The following PTPRG variants were observed in gnomAD, a reference collection of about 807,000 sequenced individuals.
PTPRG encodes receptor-type tyrosine-protein phosphatase gamma.
In PTPRG, 102 loss-of-function variants were observed where a neutral mutation model predicts 165.3. The ratio of observed to expected loss-of-function variants is 0.62; its 90% CI spans 0.53 to 0.73. The LOEUF (loss-of-function observed/expected upper bound fraction) is 0.73. PTPRG is among the 30% of genes least tolerant of loss of function. The probability of loss-of-function intolerance (pLI) is 0.00; values close to 1 mark genes in which losing one functional copy is unlikely to be tolerated. For synonymous variants in PTPRG, 675 were observed against 669.5 expected, an observed-to-expected ratio of 1.01 and a Z score of -0.13; for missense variants, 1,866 against 1,861.4, an observed-to-expected ratio of 1.00 and a Z score of -0.05.
rs528202020 is a variant in PTPRG at position 61,930,832 on chromosome 3, G to A, written c.191-58793G>A. On this transcript the variant is annotated intron_variant, in intron 2 of 29. Transcript: ENST00000474889. The stretch of plus-strand genomic sequence containing the variant: ...CCTAGCACTTTGGGAGGCCGAGGCC[G>A]GTGGATCATCACGAGGTCAGGAGTT... Among the ~76,000 whole-genome samples the A allele has an allele frequency of 3.3e-5, 5 of 152,292 alleles. 1 individual carries two copies. The South Asian group carries it at 6.2e-4, about 19-fold the overall frequency.
At chr3:61,661,772 A>C (rs760327664) in intron 1 of PTPRG, among the ~76,000 whole-genome samples, 1 of 152,108 alleles carries the variant, frequency 6.6e-6, no homozygotes, top group African/African-American at 2.4e-5. Flanking sequence ...CCCTAGACAC[A>C]TAAAACACCA....
At chr3:62,024,579 C>T (rs993669153) in intron 4 of PTPRG, among the ~76,000 whole-genome samples, 1 of 152,154 alleles carries the variant, frequency 6.6e-6, no homozygotes, top group Non-Finnish European at 1.5e-5. Flanking sequence ...AGAGTTGATA[C>T]GAGTTTCACT....
intron 7 of PTPRG, 92 bp from the exon 8 acceptor site, chr3:62,167,876 CCTT>C: frequency 7.8e-7 from 1 of 1,289,078 alleles, no homozygotes; most frequent in Non-Finnish European, 1.1e-6. Context: ...GCTCTTATCA[CCTT>C]CACCTGCTTT....
At chr3:62,010,134 G>C (rs961273931) in intron 4 of PTPRG, among the ~76,000 whole-genome samples, 1 of 152,062 alleles carries the variant, frequency 6.6e-6, no homozygotes, top group Admixed American at 6.6e-5. Flanking sequence ...GCCCACGCTG[G>C]TCTTGAACTC....
Position 61,914,012 on chromosome 3 carries a change from C to G in PTPRG, c.191-75613C>G, listed in dbSNP as rs76273555. 8.9e-4 allele frequency among the ~76,000 whole-genome samples: 135 copies of G among 152,278 alleles called. 2 individuals carry two copies. The East Asian group carries it at 0.021, about 24-fold the overall frequency. ...TTATAACAAAAGGAAAACCTCCCCC[C>G]TTTTCCAGCCTAATTGAGTATACTT... On this transcript the variant is annotated intron_variant, in intron 2 of 29. Transcript: ENST00000474889.
intron 4 of PTPRG, among the ~76,000 whole-genome samples, chr3:62,074,352 CTTTTTTTTTTTTT>C (rs200189646): frequency 1.8e-5 from 2 of 109,114 alleles, no homozygotes. Context: ...TCTTTTCTTT[CTTTTTTTTTTTTT>C]TTTTTTTTGA....
chr3:62,146,550 CA>C (rs1262344360), intron 6 of PTPRG, among the ~76,000 whole-genome samples: 1 of 151,700 alleles, frequency 6.6e-6, no homozygotes, highest in Non-Finnish European at 1.5e-5. Context: ...GAGAGTGTTT[CA>C]CAGGCAAAAG....
At chr3:61,883,848 A>G (rs1259526326) in intron 2 of PTPRG, among the ~76,000 whole-genome samples, 13 of 152,082 alleles carry the variant, frequency 8.5e-5, no homozygotes, top group Non-Finnish European at 1.3e-4. Flanking sequence ...AGTAGTTGAG[A>G]CTATAGGCAT....
chr3:61,760,234 G>C (rs926768293), intron 2 of PTPRG, among the ~76,000 whole-genome samples: 7 of 152,148 alleles, frequency 4.6e-5, no homozygotes, highest in Admixed American at 3.9e-4. Context: ...ATAATTCCTA[G>C]AATTGGTTTT....
chr3:61,616,995 G>C (rs1701315913), intron 1 of PTPRG, among the ~76,000 whole-genome samples: 1 of 152,246 alleles, frequency 6.6e-6, no homozygotes, highest in South Asian at 2.1e-4. Context: ...GATAGCAAAA[G>C]AGGACTGCTG....
chr3:61,767,511 G>C (rs529529418), intron 2 of PTPRG, among the ~76,000 whole-genome samples: 1 of 152,260 alleles, frequency 6.6e-6, no homozygotes. Context: ...TATTAAATGT[G>C]TTTAAAATAT....
At chr3:62,153,828 C>G (rs749938670) in intron 6 of PTPRG, among the ~76,000 whole-genome samples, 10 of 152,150 alleles carry the variant, frequency 6.6e-5, no homozygotes, top group Non-Finnish European at 1.0e-4. Context: ...TGAACCTGGG[C>G]AGGCTGAAAA....
intron 2 of PTPRG, among the ~76,000 whole-genome samples, chr3:61,942,522 G>A (rs2039656109): frequency 6.6e-6 from 1 of 152,174 alleles, no homozygotes; most frequent in Admixed American, 6.5e-5. Flanking sequence ...ACTTCATAAT[G>A]AGACCTGTGT....
At chr3:61,751,757 G>A (rs1038171550) in intron 2 of PTPRG, among the ~76,000 whole-genome samples, 1 of 152,130 alleles carries the variant, frequency 6.6e-6, no homozygotes, top group Non-Finnish European at 1.5e-5. Flanking sequence ...TTGGGAGGCC[G>A]AGGTGGGCGG....
Position 62,231,244 on chromosome 3 carries a change from TC to T in PTPRG, c.2310del (p.Lys771ArgfsTer92). The T allele has an allele frequency of 6.3e-7, 1 of 1,590,254 alleles. No homozygotes were observed. Among genetic ancestry groups the T allele is most frequent in the Non-Finnish European group, 8.6e-7 (1 of 1,167,952 alleles). On this transcript the variant is annotated frameshift_variant, in exon 14 of 30. Coordinates refer to ENST00000474889, the MANE Select transcript of PTPRG (RefSeq NM_002841.4). LOFTEE classifies it high-confidence loss of function. ...ATTTAGAGGGTGTAACAAAATAAAG[TC>T]CAAGGGCTTTCCCAGACGTTTCCGT... ...VYWRGCNKIK[S>X]KGFPRRFREV...
In PTPRG at chr3:62,264,709, T is replaced by G. The variant is rs562212950; in HGVS notation, c.2656+1815T>G. 7.2e-5 allele frequency among the ~76,000 whole-genome samples: 11 copies of G among 152,340 alleles called. No homozygotes were observed. In the South Asian group the frequency reaches 2.1e-3, roughly 29 times the overall value. ...TTCATTCATCATTTGATGGACATTG[T>G]TTCTTTTCCGCTTCTCAGCTAGTAT... On this transcript the variant is annotated intron_variant, in intron 17 of 29. Transcript: ENST00000474889.
chr3:61,953,945 G>A (rs1228471374), intron 2 of PTPRG, among the ~76,000 whole-genome samples: 1 of 152,150 alleles, frequency 6.6e-6, no homozygotes, highest in African/African-American at 2.4e-5. Flanking sequence ...CTGAATTTAA[G>A]GATACATCTA....
At chr3:61,776,136 C>T (rs1306490485) in intron 2 of PTPRG, among the ~76,000 whole-genome samples, 2 of 151,110 alleles carry the variant, frequency 1.3e-5, no homozygotes, top group Non-Finnish European at 2.9e-5. Context: ...TTGCATTGGT[C>T]AGGTTGGTCT....
At chr3:61,578,992 C>T (rs938362021) in intron 1 of PTPRG, among the ~76,000 whole-genome samples, 18 of 152,068 alleles carry the variant, frequency 1.2e-4, no homozygotes, top group Non-Finnish European at 2.4e-4. Flanking sequence ...GTTGAAGGGG[C>T]GCTGGAGGAT....
Sources: gnomAD v4.1 joint callset for allele counts (sites outside exome capture counted in the v4.1 genomes callset) on GRCh38, gnomAD v4.1.1 for gene constraint, MANE v1.5 for transcripts, NCBI Gene and HGNC (gene_info 2026-07-23, HGNC 2026-07-21) for gene names.